Variants in PPCS observed in about 807,000 individuals in gnomAD.
The protein encoded by PPCS is phosphopantothenoylcysteine synthetase, also known as phosphopantothenate--cysteine ligase.
A neutral mutation model predicts 24.6 loss-of-function variants in PPCS; 17 were observed. The observed-to-expected ratio is 0.69, with a 90% CI of 0.47 to 1.04. PPCS has a LOEUF of 1.04. Among genes scored for constraint, PPCS ranks in the 50% least tolerant of loss-of-function variants. The probability of loss-of-function intolerance (pLI) is 0.00; values close to 1 mark genes in which losing one functional copy is unlikely to be tolerated. For synonymous variants in PPCS, 190 were observed against 168.3 expected (o/e 1.13, Z -1.00); for missense variants, 360 against 402.8 (o/e 0.89, Z 0.91).
exon 3 of PPCS, chr1:42,473,122 G>A: frequency 1.9e-5 from 23 of 1,227,726 alleles, no homozygotes; most frequent in Non-Finnish European, 2.2e-5. Flanking sequence ...TTCTATCAAG[G>A]GAAAAGTTCA....
At chr1:42,468,001 G>A (rs1643645273) in intron 2 of PPCS, among the ~76,000 whole-genome samples, 1 of 152,246 alleles carries the variant, frequency 6.6e-6, no homozygotes, top group Non-Finnish European at 1.5e-5. Flanking sequence ...GAAGCTCAGA[G>A]ACAGAAGACC....
At chr1:42,466,387 G>A (rs754291010) in intron 2 of PPCS, among the ~76,000 whole-genome samples, 4 of 152,114 alleles carry the variant, frequency 2.6e-5, no homozygotes, top group African/African-American at 4.8e-5. Context: ...AAAATTCTTT[G>A]TCTCAGTTTG....
chr1:42,468,843 C>T (rs7529295), intron 2 of PPCS: 58,855 of 151,870 alleles, frequency 0.39, 11,883 homozygotes, highest in East Asian at 0.59. Flanking sequence ...TATTAGACTC[C>T]TGTGCCCAAG....
intron 2 of PPCS, among the ~76,000 whole-genome samples, chr1:42,470,830 G>A (rs559837402): frequency 3.3e-5 from 5 of 152,324 alleles, no homozygotes; most frequent in African/African-American, 1.2e-4. Flanking sequence ...ATTGTTTAAT[G>A]GGTATAGAGT....
At chr1:42,473,315 T>C (rs1439026522) in exon 3 of PPCS, 1 of 1,207,868 alleles carries the variant, frequency 8.3e-7, no homozygotes, top group Non-Finnish European at 1.0e-6. Flanking sequence ...TGAGAACTAA[T>C]AGCATAGAAT....
upstream of PPCS, chr1:42,456,406 C>T (rs1282741884): frequency 3.7e-6 from 3 of 820,802 alleles, no homozygotes; most frequent in African/African-American, 5.2e-5. Flanking sequence ...TGGGGCAGAA[C>T]AACTACGCAT....
Position 42,456,791 on chromosome 1 carries a change from G to C in PPCS, c.226G>C (p.Ala76Pro). 6.2e-7 allele frequency: 1 copy of C among 1,613,092 alleles called. No individual in the cohort carries two copies. Among genetic ancestry groups the C allele is most frequent in the Non-Finnish European group, 8.5e-7 (1 of 1,180,018 alleles). ...AACCTCGGCCGAGGCCTTCCTAGCC[G>C]CCGGCTACGGGGTCCTGTTCTTGTA... is the stretch of plus-strand genomic sequence containing the variant. ...GATSAEAFLA[A>P]GYGVLFLYRA... The change falls in exon 1 of 3, where the codon GCC (alanine) becomes CCC (proline). Residue 76 changes from alanine to proline, a missense_variant. Around this residue, in one of 2 missense-constraint regions of PPCS, gnomAD observed 244 missense variants for 234.7 expected, o/e 1.04. Transcript: ENST00000372561.
chr1:42,463,282 G>C (rs1165150704), downstream of PPCS: 2 of 152,262 alleles, frequency 1.3e-5, no homozygotes, highest in African/African-American at 4.8e-5. Flanking sequence ...CGGCGAGCGC[G>C]GTTGCTATGA....
downstream of PPCS, chr1:42,463,580 C>T (rs1278274674): frequency 6.6e-6 from 1 of 152,314 alleles, no homozygotes; most frequent in Non-Finnish European, 1.5e-5. Flanking sequence ...GCCCGTTTTC[C>T]CCGGACCCAG....
Position 42,459,878 on chromosome 1 carries a change from G to T in PPCS, c.888G>T (p.Val296=). ...EKGVEIEEKI[V]DNLQSRHTAF... is the part of the protein sequence containing the mutation. ...GCGTAGAGATAGAAGAGAAGATAGT[G>T]GATAATCTTCAGTCTCGACACACAG... is the stretch of plus-strand genomic sequence containing the variant. The change falls in exon 3 of 3, where the codon GTG becomes GTT. Residue 296 remains valine (V), a synonymous_variant. Coordinates refer to ENST00000372561, the MANE Select transcript of PPCS (RefSeq NM_024664.4). 6.2e-7 allele frequency: 1 copy of T among 1,613,682 alleles called. No individual in the cohort carries two copies. Among genetic ancestry groups the T allele is most frequent in the Non-Finnish European group, 8.5e-7 (1 of 1,179,770 alleles).
intron 2 of PPCS, among the ~76,000 whole-genome samples, chr1:42,457,886 C>T (rs889672926): frequency 2.0e-5 from 3 of 147,428 alleles, no homozygotes; most frequent in Non-Finnish European, 1.5e-5. Context: ...AACCAGGAGG[C>T]GGAGGTTGCA....
chr1:42,457,135 C>T, intron 1 of PPCS, 62 bp downstream of exon 1: 19 of 1,583,408 alleles, frequency 1.2e-5, no homozygotes, highest in Non-Finnish European at 1.6e-5. Context: ...AGCCACTTAT[C>T]CCCTTACCTC....
In PPCS at chr1:42,468,241, C is replaced by T. The variant is rs1643655139; in HGVS notation, n.378-4881C>T. Among the ~76,000 whole-genome samples the T allele has an allele frequency of 2.0e-5, 3 of 152,224 alleles. No homozygotes were observed. The South Asian group carries it at 6.2e-4, about 31-fold the overall frequency. ...AAGTCAAAAATAAAACAATCTATAA[C>T]TGGTGGGGCAGCACCTTGAAATGGT... On this transcript the variant is annotated intron_variant and non_coding_transcript_variant, in intron 2 of 2. Coordinates refer to the PPCS transcript ENST00000471420.
At chr1:42,469,637 G>A (rs1306614215) in intron 2 of PPCS, among the ~76,000 whole-genome samples, 3 of 152,168 alleles carry the variant, frequency 2.0e-5, no homozygotes, top group Admixed American at 2.0e-4. Context: ...TATGGGATGG[G>A]GCCTAGAATA....
chr1:42,459,600 C>A lies in PPCS; in HGVS notation c.613-3C>A. 1 of 1,610,716 alleles carries A rather than the reference C, an allele frequency of 6.2e-7. No individual in the cohort carries two copies. The highest frequency in any genetic ancestry group is 8.5e-7 in the Non-Finnish European group (1 of 1,178,056). On this transcript the variant is annotated splice_polypyrimidine_tract_variant and splice_region_variant and intron_variant, in intron 2 of 2. Transcript: ENST00000372561. ...TTATTAAGCTTTTCTTTTTCCAATA[C>A]AGATAACAATGAAGATGGTGCCAAA...
chr1:42,464,735 TTTC>T (rs959146748), downstream of PPCS, among the ~76,000 whole-genome samples: 1 of 152,234 alleles, frequency 6.6e-6, no homozygotes, highest in African/African-American at 2.4e-5. Context: ...AATCTTACTA[TTTC>T]TTCTTCAGTA....
chr1:42,464,520 A>G (rs969126988), downstream of PPCS, among the ~76,000 whole-genome samples: 16 of 152,330 alleles, frequency 1.1e-4, no homozygotes, highest in African/African-American at 3.8e-4. Context: ...ATCAGAAAAC[A>G]TTCTTTGTGA....
At chr1:42,458,374 TAGTC>T (rs1569612978) in intron 2 of PPCS, among the ~76,000 whole-genome samples, 1 of 152,182 alleles carries the variant, frequency 6.6e-6, no homozygotes, top group Non-Finnish European at 1.5e-5. Flanking sequence ...CAGGAGTTCT[TAGTC>T]ATTTATTGGG....
chr1:42,462,623 TA>T (rs1476691494), downstream of PPCS, among the ~76,000 whole-genome samples: 8 of 152,344 alleles, frequency 5.3e-5, no homozygotes, highest in Admixed American at 1.3e-4. Flanking sequence ...TCGAGTTTGA[TA>T]ATTAACTAGA....
Sources: allele counts gnomAD v4.1 joint callset (sites outside exome capture counted in the v4.1 genomes callset), GRCh38; gene constraint gnomAD v4.1.1; regional missense constraint gnomAD v4.1.1; transcripts MANE v1.5; gene names NCBI Gene and HGNC (gene_info 2026-07-23, HGNC 2026-07-21).